CCDC178: variants seen among roughly 807,000 people sequenced by gnomAD.
CCDC178 encodes coiled-coil domain-containing protein 178.
CCDC178 carries 126 observed loss-of-function variants against 117.4 expected under a neutral mutation model. That is an observed-to-expected ratio of 1.07 (90% confidence interval 0.93 to 1.24). The LOEUF is 1.24. Ranked by LOEUF, CCDC178 falls within the 50% of genes most tolerant of loss-of-function variation. The probability of loss-of-function intolerance (pLI) is 0.00; values close to 1 mark genes in which losing one functional copy is unlikely to be tolerated. For synonymous variants in CCDC178, 283 were observed against 313.4 expected, an observed-to-expected ratio of 0.90 and a Z score of 1.02; for missense variants, 1,030 against 986.9, an observed-to-expected ratio of 1.04 and a Z score of -0.59.
At position 33,370,197 on chromosome 18, in the gene CCDC178, G is replaced by C. The variant is rs202099804; in HGVS notation, c.209-8C>G. On this transcript the variant is annotated splice_polypyrimidine_tract_variant and splice_region_variant and intron_variant, in intron 5 of 22. Transcript: ENST00000383096. ...AAATGCCTTTATTCACCCCTAAAGA[G>C]AACAAATAGAAGTTCATTACTCATT... 43 of 1,577,264 alleles carry C rather than the reference G, an allele frequency of 2.7e-5. No individual in the cohort carries two copies. In the African/African-American group the frequency reaches 4.7e-4, roughly 17 times the overall value.
chr18:33,254,712 G>A (rs555647242), intron 14 of CCDC178, among the ~76,000 whole-genome samples: 117 of 152,090 alleles, frequency 7.7e-4, no homozygotes, highest in African/African-American at 2.8e-3. Context: ...TGAAGAAGAA[G>A]ACGAAGAGAA....
chr18:33,082,445 C>G (rs532262220), intron 21 of CCDC178, among the ~76,000 whole-genome samples: 4 of 152,298 alleles, frequency 2.6e-5, no homozygotes, highest in Admixed American at 6.5e-5. Context: ...GTACTCCAAC[C>G]TGGGTGACAG....
At chr18:33,386,838 T>C (rs1442820203) in intron 5 of CCDC178, among the ~76,000 whole-genome samples, 1 of 152,138 alleles carries the variant, frequency 6.6e-6, no homozygotes, top group East Asian at 1.9e-4. Flanking sequence ...ACCACTCTTA[T>C]TCAACATAGT....
intron 14 of CCDC178, among the ~76,000 whole-genome samples, chr18:33,261,843 A>C (rs2059755005): frequency 6.6e-6 from 1 of 152,098 alleles, no homozygotes; most frequent in African/African-American, 2.4e-5. Context: ...GGTCATATTC[A>C]AATTTTTGAC....
intron 2 of CCDC178, among the ~76,000 whole-genome samples, chr18:33,431,826 A>T (rs751764085): frequency 1.3e-5 from 2 of 152,170 alleles, no homozygotes; most frequent in Non-Finnish European, 2.9e-5. Flanking sequence ...TCATAACAAG[A>T]CTTTGTAGTT....
At chr18:33,286,716 T>A (rs1038976615) in intron 12 of CCDC178, among the ~76,000 whole-genome samples, 1 of 152,194 alleles carries the variant, frequency 6.6e-6, no homozygotes, top group Non-Finnish European at 1.5e-5. Flanking sequence ...AACATTTATA[T>A]GAAAACTAAG....
intron 21 of CCDC178, among the ~76,000 whole-genome samples, chr18:32,976,576 T>C (rs1414638672): frequency 2.0e-5 from 3 of 152,152 alleles, no homozygotes; most frequent in Non-Finnish European, 4.4e-5. Flanking sequence ...CTAAAGAAGC[T>C]GACATTTGTG....
intron 12 of CCDC178, among the ~76,000 whole-genome samples, chr18:33,285,312 T>A (rs1031013795): frequency 6.6e-6 from 1 of 152,074 alleles, no homozygotes; most frequent in African/African-American, 2.4e-5. Flanking sequence ...ATGACAATTA[T>A]GTTATTAAAT....
At chr18:33,238,907 G>T (rs1349640878) in intron 15 of CCDC178, among the ~76,000 whole-genome samples, 1 of 152,030 alleles carries the variant, frequency 6.6e-6, no homozygotes, top group East Asian at 1.9e-4. Flanking sequence ...ATAAGAATTT[G>T]CTATAAGACT....
At chr18:33,118,712 C>G (rs1598901805) in intron 20 of CCDC178, among the ~76,000 whole-genome samples, 1 of 151,968 alleles carries the variant, frequency 6.6e-6, no homozygotes, top group South Asian at 2.1e-4. Context: ...CATATGGAAC[C>G]AAAAAAGAGC....
chr18:32,979,304 C>T (rs1242019818), intron 21 of CCDC178, among the ~76,000 whole-genome samples: 1 of 151,622 alleles, frequency 6.6e-6, no homozygotes, highest in African/African-American at 2.4e-5. Context: ...TACAGGCGAC[C>T]CCTGCCCCCA....
At chr18:33,328,036 T>G in intron 10 of CCDC178, 2 of 385,454 alleles carry the variant, frequency 5.2e-6, no homozygotes, top group Non-Finnish European at 1.0e-5. Flanking sequence ...CAGTGTCATA[T>G]CTAAGAATCC....
intron 22 of CCDC178, among the ~76,000 whole-genome samples, chr18:32,948,296 G>A (rs890440236): frequency 6.6e-6 from 1 of 152,052 alleles, no homozygotes; most frequent in Non-Finnish European, 1.5e-5. Flanking sequence ...GGTAAAACTG[G>A]CACTTTAACA....
chr18:33,164,307 C>T (rs1489032120), intron 20 of CCDC178, among the ~76,000 whole-genome samples: 1 of 151,820 alleles, frequency 6.6e-6, no homozygotes, highest in Non-Finnish European at 1.5e-5. Flanking sequence ...CCTTGTTGGT[C>T]AGGCTGGTCT....
intron 20 of CCDC178, among the ~76,000 whole-genome samples, chr18:33,108,627 A>G (rs2057738942): frequency 6.6e-6 from 1 of 151,634 alleles, no homozygotes; most frequent in Non-Finnish European, 1.5e-5. Flanking sequence ...TTAAAGGTCT[A>G]TTATTATTAA....
At chr18:33,257,294 T>C (rs1465377802) in intron 14 of CCDC178, among the ~76,000 whole-genome samples, 1 of 152,118 alleles carries the variant, frequency 6.6e-6, no homozygotes, top group African/African-American at 2.4e-5. Flanking sequence ...TGCTTTTCTT[T>C]CACCCAGGTC....
intron 20 of CCDC178, among the ~76,000 whole-genome samples, chr18:33,196,986 T>C (rs1437076267): frequency 6.6e-6 from 1 of 152,170 alleles, no homozygotes; most frequent in African/African-American, 2.4e-5. Flanking sequence ...TTTTGGGCCT[T>C]TATTGGGCCT....
At chr18:33,034,928 C>T (rs961417672) in intron 21 of CCDC178, among the ~76,000 whole-genome samples, 15 of 151,836 alleles carry the variant, frequency 9.9e-5, no homozygotes, top group South Asian at 2.1e-4. Flanking sequence ...ATATAAAGTA[C>T]ATTTTGTTTT....
chr18:33,250,449 G>C (rs1232755388), intron 14 of CCDC178, among the ~76,000 whole-genome samples: 1 of 150,836 alleles, frequency 6.6e-6, no homozygotes, highest in African/African-American at 2.4e-5. Flanking sequence ...AAATAGACTG[G>C]GGACTAAACC....
Sources: gnomAD v4.1 joint callset for allele counts (sites outside exome capture counted in the v4.1 genomes callset) on GRCh38, gnomAD v4.1.1 for gene constraint, MANE v1.5 for transcripts, NCBI Gene and HGNC (gene_info 2026-07-23, HGNC 2026-07-21) for gene names.